Variants in SYNCRIP observed in about 807,000 individuals in gnomAD.
SYNCRIP encodes heterogeneous nuclear ribonucleoprotein Q.
A neutral mutation model predicts 68.9 loss-of-function variants in SYNCRIP; 9 were observed. The ratio of observed to expected loss-of-function variants is 0.13; its 90% confidence interval spans 0.08 to 0.23. The LOEUF (loss-of-function observed/expected upper bound fraction) is 0.23. SYNCRIP is among the 10% of genes least tolerant of loss of function. The pLI is 1.00. For missense variants in SYNCRIP, 414 were observed against 770.6 expected, an observed-to-expected ratio of 0.54 and a Z score of 5.48; for synonymous variants, 258 against 254.0, an observed-to-expected ratio of 1.02 and a Z score of -0.15.
At chr6:85,639,636 A>C (rs138563343) in intron 4 of SYNCRIP, among the ~76,000 whole-genome samples, 74 of 152,322 alleles carry the variant, frequency 4.9e-4, no homozygotes, top group African/African-American at 1.6e-3. Flanking sequence ...ATTGTCTATA[A>C]ATTAGAAAAC....
At chr6:85,637,391 T>C (rs748793997) in intron 4 of SYNCRIP, 35 bp from the exon 5 acceptor site, 1 of 1,333,672 alleles carries the variant, frequency 7.5e-7, no homozygotes, top group East Asian at 2.3e-5. Context: ...TACATTTAAT[T>C]CACTAGACCA....
intron 10 of SYNCRIP, 70 bp downstream of exon 10, chr6:85,618,737 TCTGATCAACAC>T: frequency 8.0e-7 from 1 of 1,244,170 alleles, no homozygotes; most frequent in Non-Finnish European, 1.1e-6. Flanking sequence ...ATTTAACAAG[TCTGATCAACAC>T]CTGTTATTTT....
Position 85,641,400 on chromosome 6 carries a change from G to A in SYNCRIP, c.40C>T (p.Pro14Ser), listed in dbSNP as rs373793668. The A allele has an allele frequency of 3.1e-6, 5 of 1,613,464 alleles. No individual in the cohort carries two copies. In the African/African-American group the frequency reaches 6.7e-5, roughly 22 times the overall value. ...EHVNGNGTEE[P>S]MDTTSAVIHS... ...ATAACTGCAGAAGTAGTATCCATGG[G>A]CTCTTCAGTACCATTTCCATTAACA... is the stretch of plus-strand genomic sequence containing the variant. Residue 14 changes from proline to serine, a missense_variant, in exon 2 of 11, where the codon CCC becomes TCC. By Grantham distance (74) the Pro-to-Ser change is moderately conservative. Coordinates refer to ENST00000369622, the MANE Select transcript of SYNCRIP (RefSeq NM_006372.5).
chr6:85,633,492 G>A (rs1367797363), intron 6 of SYNCRIP, among the ~76,000 whole-genome samples: 3 of 151,612 alleles, frequency 2.0e-5, no homozygotes, highest in Non-Finnish European at 4.4e-5. Flanking sequence ...TCAGGGGGCT[G>A]AAACAGAAGA....
chr6:85,629,941 G>A (rs1044532900), intron 6 of SYNCRIP, among the ~76,000 whole-genome samples: 15 of 151,138 alleles, frequency 9.9e-5, no homozygotes, highest in African/African-American at 2.9e-4. Flanking sequence ...CTGAGATAGC[G>A]CCGCTGTGCT....
At chr6:85,628,059 T>C (rs1807262913) in intron 6 of SYNCRIP, among the ~76,000 whole-genome samples, 1 of 151,286 alleles carries the variant, frequency 6.6e-6, no homozygotes, top group Non-Finnish European at 1.5e-5. Flanking sequence ...GAAGATTTCT[T>C]TTTTTTTTCT....
intron 8 of SYNCRIP, among the ~76,000 whole-genome samples, chr6:85,621,440 C>T (rs1398585817): frequency 6.6e-6 from 1 of 151,902 alleles, no homozygotes; most frequent in Non-Finnish European, 1.5e-5. Flanking sequence ...ATTAACTCTG[C>T]CTCTACAAAA....
chr6:85,614,943 CCTA>C lies in SYNCRIP; in HGVS notation c.1682_1684del (p.Val561del). ...GTACCCATCAGCTTTGCGCTTTCCT[CCTA>C]CATTTCCACCGCGGCCACCCCTCGC... On this transcript the variant is annotated inframe_deletion, in exon 11 of 11. Transcript: ENST00000369622. The C allele has an allele frequency of 6.2e-7, 1 of 1,614,100 alleles. No individual in the cohort carries two copies. The highest frequency in any genetic ancestry group is 8.5e-7 in the Non-Finnish European group (1 of 1,180,000).
At chr6:85,609,743 C>T (rs139713407), downstream of SYNCRIP, 14 of 152,034 alleles carry the variant, frequency 9.2e-5, no homozygotes, top group East Asian at 5.8e-4. Flanking sequence ...CAAAATCTTG[C>T]GTCTGTTTTG....
At chr6:85,641,484 G>C (rs375669976) in intron 1 of SYNCRIP, 33 bp from the exon 2 acceptor site, 1 of 1,584,518 alleles carries the variant, frequency 6.3e-7, no homozygotes, top group Non-Finnish European at 8.6e-7. Flanking sequence ...ATTAAACTAG[G>C]ATCTTCAAAA....
At chr6:85,642,998 C>CCCCCTT (rs767937937), upstream of SYNCRIP, 7 of 147,356 alleles carry the variant, frequency 4.8e-5, no homozygotes, top group African/African-American at 7.5e-5. Context: ...CGCGTGACCC[C>CCCCCTT]CCCTTCCCTT....
At chr6:85,633,461 T>A (rs1467766898) in intron 6 of SYNCRIP, among the ~76,000 whole-genome samples, 1 of 151,154 alleles carries the variant, frequency 6.6e-6, no homozygotes, top group Non-Finnish European at 1.5e-5. Context: ...CATGGTGGTG[T>A]GCACCTGTAA....
At chr6:85,621,915 T>C (rs1163866563) in intron 8 of SYNCRIP, among the ~76,000 whole-genome samples, 2 of 152,170 alleles carry the variant, frequency 1.3e-5, no homozygotes, top group African/African-American at 2.4e-5. Context: ...CTACAGCATG[T>C]AGGCGACTTC....
chr6:85,612,809 T>A (rs1805348218), downstream of SYNCRIP: 10 of 1,522,890 alleles, frequency 6.6e-6, no homozygotes, highest in South Asian at 1.2e-4. Flanking sequence ...GCCGACATAT[T>A]TAAGGTTGCT....
At chr6:85,615,400 A>G (rs1461790652) in intron 10 of SYNCRIP, 53 bp from the exon 11 acceptor site, 2 of 1,249,654 alleles carry the variant, frequency 1.6e-6, no homozygotes, top group East Asian at 5.0e-5. Context: ...TTAGTTAACA[A>G]GTAGGCATTT....
chr6:85,615,382 C>G, intron 10 of SYNCRIP, 35 bp from the exon 11 acceptor site: 1 of 1,377,230 alleles, frequency 7.3e-7, no homozygotes, highest in Non-Finnish European at 9.7e-7. Flanking sequence ...GAGTTTAAAT[C>G]AAATTACTTA....
chr6:85,628,746 C>T (rs751046714), intron 6 of SYNCRIP, among the ~76,000 whole-genome samples: 5 of 152,192 alleles, frequency 3.3e-5, no homozygotes, highest in Non-Finnish European at 7.4e-5. Flanking sequence ...AGTGTAAATA[C>T]TTAACTTTAG....
At chr6:85,630,524 TAC>T (rs1807619826) in intron 6 of SYNCRIP, among the ~76,000 whole-genome samples, 1 of 152,228 alleles carries the variant, frequency 6.6e-6, no homozygotes, top group Non-Finnish European at 1.5e-5. Context: ...TCCAGCAACA[TAC>T]CACACAAATA....
chr6:85,625,509 T>G (rs1410767109), intron 6 of SYNCRIP, among the ~76,000 whole-genome samples: 1 of 151,746 alleles, frequency 6.6e-6, no homozygotes, highest in Non-Finnish European at 1.5e-5. Flanking sequence ...TCCCTCTACC[T>G]CCCGAGTAGC....
Sources: gnomAD v4.1 joint callset for allele counts (sites outside exome capture counted in the v4.1 genomes callset) on GRCh38, gnomAD v4.1.1 for gene constraint, MANE v1.5 for transcripts, NCBI Gene and HGNC (gene_info 2026-07-23, HGNC 2026-07-21) for gene names.